SAMD3: variants seen among roughly 807,000 people sequenced by gnomAD.
The protein encoded by SAMD3 is sterile alpha motif domain containing 3.
A neutral mutation model predicts 58.5 loss-of-function variants in SAMD3; 63 were observed. The observed-to-expected ratio is 1.08, with a 90% CI of 0.88 to 1.33. The LOEUF is 1.33. Among genes scored for constraint, SAMD3 ranks in the 40% most tolerant of loss-of-function variants. SAMD3 has a pLI of 0.00. For missense variants in SAMD3, 604 were observed against 608.4 expected (o/e 0.99, Z 0.08); for synonymous variants, 220 against 210.3 (o/e 1.05, Z -0.40).
chr6:130,268,447 T>A (rs1020174912), intron 2 of SAMD3, among the ~76,000 whole-genome samples: 3 of 152,138 alleles, frequency 2.0e-5, no homozygotes, highest in African/African-American at 7.2e-5. Context: ...GTGTACAGGT[T>A]TATAAAATTT....
intron 5 of SAMD3, among the ~76,000 whole-genome samples, chr6:130,202,911 C>G (rs1053742221): frequency 6.6e-6 from 1 of 152,148 alleles, no homozygotes; most frequent in Non-Finnish European, 1.5e-5. Flanking sequence ...TGATGCCCCC[C>G]CTCCTCCCCC....
At chr6:130,241,469 C>T (rs1448771345) in intron 2 of SAMD3, among the ~76,000 whole-genome samples, 2 of 152,072 alleles carry the variant, frequency 1.3e-5, no homozygotes, top group African/African-American at 4.8e-5. Context: ...CTGCCTTGGT[C>T]TGCCAAAGTG....
intron 2 of SAMD3, 99 bp downstream of exon 2, chr6:130,216,471 TA>T (rs1161572930): frequency 1.3e-5 from 2 of 152,224 alleles, no homozygotes; most frequent in Non-Finnish European, 2.9e-5. Context: ...ATGGAAGTTT[TA>T]AATGGAACTA....
At chr6:130,349,355 G>A (rs1287925585) in intron 1 of SAMD3, among the ~76,000 whole-genome samples, 1 of 152,064 alleles carries the variant, frequency 6.6e-6, no homozygotes, top group African/African-American at 2.4e-5. Context: ...GAAGAAAAGA[G>A]AGAAGAATCA....
intron 1 of SAMD3, among the ~76,000 whole-genome samples, chr6:130,363,818 T>C (rs1210812915): frequency 3.9e-5 from 6 of 152,214 alleles, no homozygotes; most frequent in Admixed American, 3.9e-4. Context: ...ATATTATGTG[T>C]GAAGTGCAGT....
At chr6:130,328,436 C>CTT (rs950022217) in intron 1 of SAMD3, among the ~76,000 whole-genome samples, 1 of 152,208 alleles carries the variant, frequency 6.6e-6, no homozygotes, top group African/African-American at 2.4e-5. Context: ...GATGCTACCA[C>CTT]TTATGTGCCA....
intron 1 of SAMD3, among the ~76,000 whole-genome samples, chr6:130,323,255 T>C (rs1776645056): frequency 6.6e-6 from 1 of 152,126 alleles, no homozygotes; most frequent in Non-Finnish European, 1.5e-5. Flanking sequence ...GCCTCTATGT[T>C]GGGGTTTTCA....
chr6:130,311,909 T>C (rs993063148), intron 2 of SAMD3, among the ~76,000 whole-genome samples: 1 of 152,044 alleles, frequency 6.6e-6, no homozygotes, highest in Admixed American at 6.6e-5. Flanking sequence ...GGGCCTTTGA[T>C]GAGCCCAAAG....
intron 2 of SAMD3, among the ~76,000 whole-genome samples, chr6:130,300,691 T>C (rs76554605): frequency 0.012 from 1,865 of 152,244 alleles, 15 homozygotes; most frequent in Middle Eastern, 0.034. Flanking sequence ...TCAAATTATC[T>C]CTGTTCTCTG....
intron 2 of SAMD3, among the ~76,000 whole-genome samples, chr6:130,249,094 G>A (rs1441660987): frequency 6.6e-6 from 1 of 152,146 alleles, no homozygotes; most frequent in Non-Finnish European, 1.5e-5. Flanking sequence ...AGCTTAGGAA[G>A]GACCAGTGGC....
intron 2 of SAMD3, among the ~76,000 whole-genome samples, chr6:130,232,415 C>G (rs1167224962): frequency 6.6e-6 from 1 of 152,170 alleles, no homozygotes; most frequent in African/African-American, 2.4e-5. Context: ...GTCTTACTAT[C>G]CTGTTTCATT....
chr6:130,268,211 A>G (rs1015352344), intron 2 of SAMD3, among the ~76,000 whole-genome samples: 1 of 152,310 alleles, frequency 6.6e-6, no homozygotes, highest in Middle Eastern at 3.4e-3. Flanking sequence ...ATAAAAATAA[A>G]AAAATTTTAA....
At chr6:130,173,777 C>T (rs1041330193) in intron 8 of SAMD3, among the ~76,000 whole-genome samples, 3 of 152,234 alleles carry the variant, frequency 2.0e-5, no homozygotes, top group African/African-American at 7.2e-5. Flanking sequence ...GGATTAAAGC[C>T]ACTGAAGCTG....
chr6:130,256,677 A>AAT (rs1773937890), intron 2 of SAMD3, among the ~76,000 whole-genome samples: 1 of 152,214 alleles, frequency 6.6e-6, no homozygotes, highest in Admixed American at 6.5e-5. Flanking sequence ...TCATGGAAAC[A>AAT]GATGTTGTTG....
intron 1 of SAMD3, among the ~76,000 whole-genome samples, chr6:130,364,679 G>A (rs6923619): frequency 2.0e-5 from 3 of 151,232 alleles, no homozygotes; most frequent in East Asian, 1.9e-4. Context: ...TTCCCCCACC[G>A]TAACTCCTTT....
chr6:130,291,425 T>C (rs1470779211), intron 2 of SAMD3, among the ~76,000 whole-genome samples: 5 of 152,160 alleles, frequency 3.3e-5, no homozygotes. Flanking sequence ...CTTTTGAAGA[T>C]GGTAGCTGAG....
At chr6:130,187,212 G>A (rs991379918) in intron 5 of SAMD3, among the ~76,000 whole-genome samples, 3 of 152,046 alleles carry the variant, frequency 2.0e-5, no homozygotes, top group Non-Finnish European at 4.4e-5. Context: ...AAGTTGTTAT[G>A]TTACTTAGTA....
intron 2 of SAMD3, among the ~76,000 whole-genome samples, chr6:130,269,512 T>A (rs1012430115): frequency 6.6e-6 from 1 of 152,122 alleles, no homozygotes; most frequent in East Asian, 1.9e-4. Context: ...AAGTTGTTTG[T>A]AGTATTTTCT....
intron 5 of SAMD3, among the ~76,000 whole-genome samples, chr6:130,207,481 T>C (rs1795182826): frequency 1.3e-5 from 2 of 152,138 alleles, no homozygotes; most frequent in South Asian, 4.1e-4. Flanking sequence ...TAATCACTGT[T>C]CACCCCAACT....
Sources: gnomAD v4.1 joint callset for allele counts (sites outside exome capture counted in the v4.1 genomes callset) on GRCh38, gnomAD v4.1.1 for gene constraint, MANE v1.5 for transcripts, NCBI Gene and HGNC (gene_info 2026-07-23, HGNC 2026-07-21) for gene names.